NUAK1: variants seen among roughly 807,000 people sequenced by gnomAD.
The protein encoded by NUAK1 is NUAK family SNF1-like kinase 1.
A neutral mutation model predicts 56.9 loss-of-function variants in NUAK1; 26 were observed. The observed-to-expected ratio is 0.46, with a 90% confidence interval of 0.33 to 0.63. The LOEUF is 0.63. Ranked by LOEUF, NUAK1 falls within the 30% of genes least tolerant of loss-of-function variation. The pLI, the probability that NUAK1 is intolerant of heterozygous loss-of-function variation, is 0.02. For synonymous variants in NUAK1, 337 were observed against 336.0 expected, an observed-to-expected ratio of 1.00 and a Z score of -0.03; for missense variants, 727 against 876.1, an observed-to-expected ratio of 0.83 and a Z score of 2.15.
chr12:106,095,776 A>G (rs1027210270), intron 2 of NUAK1, among the ~76,000 whole-genome samples: 11 of 152,180 alleles, frequency 7.2e-5, no homozygotes, highest in Non-Finnish European at 2.9e-5. Context: ...ACACTTAAAG[A>G]CATCAGAGGA....
At chr12:106,071,052 A>G in intron 5 of NUAK1, 146 bp from the exon 6 acceptor site, 1 of 782,948 alleles carries the variant, frequency 1.3e-6, no homozygotes, top group Non-Finnish European at 2.1e-6. Context: ...TTCCTAGTGC[A>G]GCCTGACACC....
chr12:106,138,763 C>A lies in NUAK1; in HGVS notation c.-110G>T. The A allele has an allele frequency of 7.2e-7, 1 of 1,383,370 alleles. No homozygotes were observed. The highest frequency in any genetic ancestry group is 1.6e-5 in the South Asian group (1 of 63,658). 85.7% of individuals were successfully genotyped at this position (1,383,370 alleles called of 1,614,324 possible). ...TGTACGCTCAAGGTCGCCCCCGCAG[C>A]ATCAGGGAGGCGGCCCGATACCGCT... is the stretch of plus-strand genomic sequence containing the variant. On this transcript the variant is annotated 5_prime_UTR_variant, in exon 1 of 7. It removes an upstream start codon present in the reference 5' UTR. Coordinates refer to ENST00000261402, the MANE Select transcript of NUAK1 (RefSeq NM_014840.3). This position sits in a 1 kb window ranked among gnomAD's most constrained non-coding sequence, Gnocchi z 5.0.
At chr12:106,100,919 T>C (rs2032741014) in intron 2 of NUAK1, among the ~76,000 whole-genome samples, 1 of 152,262 alleles carries the variant, frequency 6.6e-6, no homozygotes, top group Non-Finnish European at 1.5e-5. Flanking sequence ...CTTTAACAGC[T>C]TCTACTCATT....
chr12:106,125,806 A>G (rs1344560117), intron 1 of NUAK1, among the ~76,000 whole-genome samples: 1 of 152,160 alleles, frequency 6.6e-6, no homozygotes, highest in Non-Finnish European at 1.5e-5. Context: ...GGATGATGAA[A>G]AATGAGGTTC....
intron 1 of NUAK1, among the ~76,000 whole-genome samples, chr12:106,134,471 G>A (rs2033109211): frequency 6.6e-6 from 1 of 152,216 alleles, no homozygotes; most frequent in Non-Finnish European, 1.5e-5. Context: ...AGGGCAGACT[G>A]TGGGGGAGGG....
chr12:106,105,437 A>G (rs2032791198), intron 2 of NUAK1, among the ~76,000 whole-genome samples: 1 of 152,260 alleles, frequency 6.6e-6, no homozygotes, highest in Non-Finnish European at 1.5e-5. Context: ...GTGTTTGGCA[A>G]AAGAAATTAG....
intron 2 of NUAK1, among the ~76,000 whole-genome samples, chr12:106,101,981 T>G (rs11112865): frequency 0.011 from 1,633 of 152,130 alleles, 35 homozygotes; most frequent in African/African-American, 0.037. Flanking sequence ...CTTGGCAATC[T>G]CCTGCTCCCA....
At chr12:106,104,393 T>C (rs1325850972) in intron 2 of NUAK1, among the ~76,000 whole-genome samples, 1 of 152,232 alleles carries the variant, frequency 6.6e-6, no homozygotes, top group South Asian at 2.1e-4. Context: ...GTGGGATCTA[T>C]GTTGCTTCTT....
At chr12:106,095,529 T>C (rs1188320949) in intron 2 of NUAK1, among the ~76,000 whole-genome samples, 2 of 152,234 alleles carry the variant, frequency 1.3e-5, no homozygotes, top group African/African-American at 4.8e-5. Flanking sequence ...CTGCAGGCTC[T>C]TCCTCTGCTA....
At position 106,067,240 on chromosome 12, in the gene NUAK1, G is replaced by T. The variant is rs1565917424; in HGVS notation, c.1548C>A (p.Ser516Arg). The change falls in exon 7 of 7, where the codon AGC (serine) becomes AGA (arginine). Residue 516 changes from serine to arginine, a missense_variant. Physicochemically the swap from Ser to Arg is moderately radical, Grantham distance 110. Coordinates refer to ENST00000261402, the MANE Select transcript of NUAK1 (RefSeq NM_014840.3). This position sits in a 1 kb window ranked among gnomAD's most constrained non-coding sequence, Gnocchi z 6.0. Reference sequence around the variant, plus strand: ...AGATGCCCTTCCTCCGGCAGGAGAGGCTGTGGGAGGTTACCCTGGCTGGGT... The same window carrying T: ...AGATGCCCTTCCTCCGGCAGGAGAGTCTGTGGGAGGTTACCCTGGCTGGGT... ...PPDPARVTSH[S>R]LSCRRKGILK... 6.2e-7 allele frequency: 1 copy of T among 1,614,062 alleles called. No individual in the cohort carries two copies. The highest frequency in any genetic ancestry group is 1.7e-5 in the Admixed American group (1 of 60,010).
In NUAK1 at chr12:106,067,748, G is replaced by A. The variant is rs1215675081; in HGVS notation, c.1040C>T (p.Ala347Val). 1 of 1,614,188 alleles carries A rather than the reference G, an allele frequency of 6.2e-7. No homozygotes were observed. The highest frequency in any genetic ancestry group is 8.5e-7 in the Non-Finnish European group (1 of 1,180,034). ...RSTGLQADTE[A>V]KMKGLAKPTT... ...GGGTTTGGCCAGGCCCTTCATTTTG[G>A]CTTCGGTGTCAGCCTGCAGCCCTGT... The change falls in exon 7 of 7, where the codon GCC becomes GTC. Residue 347 changes from alanine to valine, a missense_variant. Physicochemically the swap from Ala to Val is moderately conservative, Grantham distance 64 (BLOSUM62 0). Transcript: ENST00000261402. The surrounding 1 kb of genome is among the most constrained non-coding windows in gnomAD (Gnocchi z 6.0).
At chr12:106,134,238 C>A (rs1247217147) in intron 1 of NUAK1, among the ~76,000 whole-genome samples, 1 of 152,220 alleles carries the variant, frequency 6.6e-6, no homozygotes, top group African/African-American at 2.4e-5. Flanking sequence ...TGTATTTGGG[C>A]CTTAGCTGCA....
intron 4 of NUAK1, among the ~76,000 whole-genome samples, chr12:106,082,533 C>T (rs193140915): frequency 7.1e-4 from 108 of 152,350 alleles, no homozygotes; most frequent in African/African-American, 2.5e-3. Flanking sequence ...AATTTCCTAA[C>T]TCTACAACCA....
chr12:106,120,860 CTTG>C (rs1451620224), intron 1 of NUAK1, among the ~76,000 whole-genome samples: 2 of 152,178 alleles, frequency 1.3e-5, no homozygotes, highest in African/African-American at 4.8e-5. Context: ...AAGGTCCCAT[CTTG>C]ACCAGGCATG....
intron 1 of NUAK1, among the ~76,000 whole-genome samples, chr12:106,111,647 A>G (rs1431735999): frequency 6.6e-6 from 1 of 152,098 alleles, no homozygotes; most frequent in African/African-American, 2.4e-5. Context: ...GGGATTCTGC[A>G]TTTCCAGCAA....
At chr12:106,085,570 A>G (rs2032562622) in intron 3 of NUAK1, among the ~76,000 whole-genome samples, 1 of 152,234 alleles carries the variant, frequency 6.6e-6, no homozygotes, top group African/African-American at 2.4e-5. Flanking sequence ...ACAGATCTGG[A>G]GAAAGTCTGA....
intron 1 of NUAK1, among the ~76,000 whole-genome samples, chr12:106,122,158 G>A (rs1007532757): frequency 1.3e-5 from 2 of 152,108 alleles, no homozygotes; most frequent in Non-Finnish European, 2.9e-5. Flanking sequence ...GTGGATATTT[G>A]TAGACCAACA....
intron 6 of NUAK1, among the ~76,000 whole-genome samples, chr12:106,068,912 A>G (rs1301629462): frequency 1.3e-5 from 2 of 152,236 alleles, no homozygotes; most frequent in East Asian, 3.8e-4. Context: ...AAGTACCAAG[A>G]TGATCATCCT....
At chr12:106,068,561 C>A (rs139707509) in intron 6 of NUAK1, among the ~76,000 whole-genome samples, 2,696 of 152,362 alleles carry the variant, frequency 0.018, 37 homozygotes, top group Non-Finnish European at 0.026. Context: ...ACTCAGTGAG[C>A]TTGCCTTCTT....
Sources: allele counts gnomAD v4.1 joint callset (sites outside exome capture counted in the v4.1 genomes callset), GRCh38; gene constraint gnomAD v4.1.1; non-coding constraint Gnocchi (gnomAD v3.1); transcripts MANE v1.5; gene names NCBI Gene and HGNC (gene_info 2026-07-23, HGNC 2026-07-21).